Variants in GDA observed in about 807,000 individuals in gnomAD.
GDA encodes the protein guanine deaminase, also known as cytoplasmic PSD-95 interactor.
GDA carries 18 observed loss-of-function variants against 59.6 expected under a neutral mutation model. That is an observed-to-expected ratio of 0.30 (90% CI 0.21 to 0.45). The LOEUF (loss-of-function observed/expected upper bound fraction) is 0.45. Among genes scored for constraint, GDA ranks in the 20% least tolerant of loss-of-function variants. The pLI, the probability that GDA is intolerant of heterozygous loss-of-function variation, is 1.00. For missense variants in GDA, 427 were observed against 552.3 expected, an observed-to-expected ratio of 0.77 and a Z score of 2.27; for synonymous variants, 201 against 201.1, an observed-to-expected ratio of 1.00 and a Z score of 0.00.
chr9:72,176,409 G>A (rs1054160144), intron 1 of GDA, among the ~76,000 whole-genome samples: 4 of 152,340 alleles, frequency 2.6e-5, no homozygotes, highest in Admixed American at 1.3e-4. Context: ...CCTCAAGGGT[G>A]AAGGAGGGAA....
intron 11 of GDA, among the ~76,000 whole-genome samples, 165 bp downstream of exon 11, chr9:72,241,463 G>A (rs921001306): frequency 2.0e-5 from 3 of 152,200 alleles, no homozygotes; most frequent in Non-Finnish European, 2.9e-5. Context: ...GAAGTTCACT[G>A]AAGGAGGAAT....
upstream of GDA, among the ~76,000 whole-genome samples, chr9:72,148,319 G>C (rs747969131): frequency 1.2e-5 from 1 of 80,294 alleles, no homozygotes; most frequent in Non-Finnish European, 2.8e-5. Flanking sequence ...ATGTGTGTGT[G>C]TGTGTGTGTG....
rs1031238767 is a variant in GDA, at chr9:72,202,710, G to A, written c.352G>A (p.Asp118Asn). The A allele has an allele frequency of 1.2e-5, 19 of 1,613,516 alleles. No homozygotes were observed. The highest frequency in any genetic ancestry group is 6.7e-5 in the African/African-American group (5 of 74,908). The part of the protein sequence containing the change: ...FPAEHRFQNI[D>N]FAEEVYTRVV... Reference sequence around the variant, plus strand: ...TGCAGAACACAGATTCCAGAACATCGACTTTGCAGAAGAAGTATATACCAG... The same window carrying A: ...TGCAGAACACAGATTCCAGAACATCAACTTTGCAGAAGAAGTATATACCAG... Residue 118 changes from aspartate (D) to asparagine (N), a missense_variant, in exon 3 of 14, where the codon GAC (aspartate) becomes AAC (asparagine). Coordinates refer to ENST00000358399, the MANE Select transcript of GDA (RefSeq NM_004293.5).
chr9:72,141,463 T>C (rs1826438302), intron 1 of GDA, among the ~76,000 whole-genome samples: 1 of 152,224 alleles, frequency 6.6e-6, no homozygotes, highest in Non-Finnish European at 1.5e-5. Flanking sequence ...AGAATTTTTT[T>C]TTCCTTAAAA....
intron 10 of GDA, among the ~76,000 whole-genome samples, chr9:72,239,621 A>G (rs956596812): frequency 5.3e-5 from 8 of 152,064 alleles, no homozygotes; most frequent in Admixed American, 6.6e-5. Context: ...TATATTTAAC[A>G]TTTTTGTTGT....
chr9:72,238,371 C>G (rs765242680), intron 10 of GDA, among the ~76,000 whole-genome samples: 39 of 152,046 alleles, frequency 2.6e-4, no homozygotes, highest in Admixed American at 9.8e-4. Flanking sequence ...CAAAATGGGC[C>G]CTTCATCTCC....
At chr9:72,149,128 C>A (rs575003136), upstream of GDA, among the ~76,000 whole-genome samples, 2 of 152,258 alleles carry the variant, frequency 1.3e-5, no homozygotes, top group South Asian at 4.1e-4. Flanking sequence ...TGAACTAATG[C>A]AAGTACAGGA....
chr9:72,215,644 C>T (rs1252646617), intron 5 of GDA, among the ~76,000 whole-genome samples: 1 of 152,096 alleles, frequency 6.6e-6, no homozygotes, highest in Non-Finnish European at 1.5e-5. Flanking sequence ...CACTCTACTA[C>T]CTGTAATAAA....
intron 12 of GDA, among the ~76,000 whole-genome samples, chr9:72,246,137 T>A (rs1840111654): frequency 6.6e-6 from 1 of 152,142 alleles, no homozygotes; most frequent in South Asian, 2.1e-4. Flanking sequence ...GAGAAAGGCA[T>A]ACACATTTAT....
intron 1 of GDA, among the ~76,000 whole-genome samples, chr9:72,128,691 CCAT>C (rs1174783338): frequency 5.9e-5 from 9 of 152,326 alleles, no homozygotes; most frequent in Admixed American, 5.2e-4. Flanking sequence ...CAGCACGAAA[CCAT>C]CACAGTAGTC....
chr9:72,240,285 G>A (rs896721425), intron 10 of GDA, among the ~76,000 whole-genome samples: 5 of 152,080 alleles, frequency 3.3e-5, no homozygotes, highest in Admixed American at 2.6e-4. Flanking sequence ...ACAAAGAAGT[G>A]GCTTTTTAAT....
downstream of GDA, among the ~76,000 whole-genome samples, chr9:72,254,733 G>A (rs1323079731): frequency 1.3e-5 from 2 of 152,162 alleles, no homozygotes; most frequent in Admixed American, 6.5e-5. Flanking sequence ...CAGACTTTTG[G>A]TTAACTGCTG....
intron 2 of GDA, among the ~76,000 whole-genome samples, chr9:72,200,603 ATAT>A (rs139666925): frequency 0.085 from 12,974 of 152,166 alleles, 653 homozygotes; most frequent in Middle Eastern, 0.13. Context: ...ACATTGGGAA[ATAT>A]TATTTGGTTA....
In GDA at chr9:72,250,506, G is replaced by A. The variant is rs1234255822; in HGVS notation, c.*2164G>A. On this transcript the variant is annotated 3_prime_UTR_variant, in exon 14 of 14. Transcript: ENST00000358399. The stretch of plus-strand genomic sequence containing the variant: ...ATAGGATGTGTTGAAATATTTATAT[G>A]TACTTTGATCTCTCCACATCACTTA... 1.3e-5 allele frequency: 18 copies of A among 1,374,162 alleles called. No individual in the cohort carries two copies. Among genetic ancestry groups the A allele is most frequent in the East Asian group, 1.1e-4 (4 of 35,862 alleles). 85.1% of individuals were successfully genotyped at this position (1,374,162 alleles called of 1,614,324 possible).
chr9:72,173,758 A>G (rs771145672), intron 1 of GDA, among the ~76,000 whole-genome samples: 1 of 152,150 alleles, frequency 6.6e-6, no homozygotes. Context: ...ATATAAGGTA[A>G]CATTCACAGA....
intron 10 of GDA, among the ~76,000 whole-genome samples, chr9:72,236,306 A>G (rs1838978194): frequency 1.3e-5 from 2 of 152,070 alleles, no homozygotes; most frequent in Admixed American, 1.3e-4. Flanking sequence ...TCAAATCCCA[A>G]ATGGCCCACC....
intron 13 of GDA, 56 bp downstream of exon 13, chr9:72,247,489 T>G (rs775074638): frequency 5.6e-6 from 5 of 898,802 alleles, no homozygotes; most frequent in Non-Finnish European, 9.2e-6. Context: ...CCCTGTCTTT[T>G]TCTTGGGTAT....
chr9:72,133,294 A>AT (rs1826092229), intron 1 of GDA, among the ~76,000 whole-genome samples: 15 of 126,538 alleles, frequency 1.2e-4, no homozygotes, highest in African/African-American at 4.5e-4. Flanking sequence ...GTCTAAAAAA[A>AT]AAAAAAAAAA....
chr9:72,148,352 T>C (rs893309248), upstream of GDA, among the ~76,000 whole-genome samples: 1 of 123,426 alleles, frequency 8.1e-6, no homozygotes, highest in East Asian at 2.4e-4. Context: ...TGTGTGTGTG[T>C]ATTGGTGAGA....
Sources: gnomAD v4.1 joint callset for allele counts (sites outside exome capture counted in the v4.1 genomes callset) on GRCh38, gnomAD v4.1.1 for gene constraint, MANE v1.5 for transcripts, NCBI Gene and HGNC (gene_info 2026-07-23, HGNC 2026-07-21) for gene names.